CSMD1: variants seen among roughly 807,000 people sequenced by gnomAD.
CSMD1 encodes the protein CUB and Sushi multiple domains 1, also known as CUB and sushi domain-containing protein 1.
In CSMD1, 213 loss-of-function variants were observed where a neutral mutation model predicts 417.5. The ratio of observed to expected loss-of-function variants is 0.51; its 90% CI spans 0.46 to 0.57. CSMD1 has a LOEUF of 0.57. CSMD1 is among the 20% of genes least tolerant of loss of function. The pLI is 0.00. For missense variants in CSMD1, 6,923 were observed against 4,529.7 expected (o/e 1.53, Z -15.17); for synonymous variants, 2,862 against 1,736.8 (o/e 1.65, Z -16.11).
intron 1 of CSMD1, among the ~76,000 whole-genome samples, chr8:4,742,399 T>A (rs1810679701): frequency 6.6e-6 from 1 of 152,082 alleles, no homozygotes; most frequent in South Asian, 2.1e-4. Context: ...ACTGCTGTTT[T>A]AAAAATAAAT....
intron 51 of CSMD1, among the ~76,000 whole-genome samples, chr8:3,021,679 TCCGGAA>T (rs1241259323): frequency 8.3e-6 from 1 of 121,084 alleles, no homozygotes; most frequent in Admixed American, 8.8e-5. Flanking sequence ...TCCCACAGCG[TCCGGAA>T]TGCACCTGCA....
intron 5 of CSMD1, among the ~76,000 whole-genome samples, chr8:3,867,940 T>A (rs955395343): frequency 1.3e-5 from 2 of 152,032 alleles, no homozygotes; most frequent in Non-Finnish European, 2.9e-5. Context: ...TTACAGCCAA[T>A]CTTTGTATGT....
chr8:3,352,880 C>T (rs1266035988), intron 21 of CSMD1, among the ~76,000 whole-genome samples: 8 of 151,990 alleles, frequency 5.3e-5, no homozygotes, highest in African/African-American at 1.9e-4. Context: ...ACAAAAAACA[C>T]GAAAACACAT....
At chr8:4,646,097 G>C (rs997622426) in intron 1 of CSMD1, among the ~76,000 whole-genome samples, 1 of 152,186 alleles carries the variant, frequency 6.6e-6, no homozygotes, top group African/African-American at 2.4e-5. Context: ...CTTCGCTTCA[G>C]AGACTTCGAG....
intron 10 of CSMD1, among the ~76,000 whole-genome samples, chr8:3,497,939 C>A (rs903343568): frequency 6.6e-6 from 1 of 152,176 alleles, no homozygotes; most frequent in South Asian, 2.1e-4. Flanking sequence ...CACCCTTTCA[C>A]TTTCAGATGA....
chr8:3,038,743 T>G (rs1223778288), intron 50 of CSMD1, among the ~76,000 whole-genome samples: 1 of 152,160 alleles, frequency 6.6e-6, no homozygotes, highest in Admixed American at 6.5e-5. Context: ...ATTATAAAAT[T>G]TTTTCTTACA....
intron 2 of CSMD1, among the ~76,000 whole-genome samples, chr8:4,456,779 C>T (rs373706830): frequency 6.6e-6 from 1 of 152,032 alleles, no homozygotes; most frequent in African/African-American, 2.4e-5. Context: ...CATCTGACAA[C>T]CTACGAGGTA....
chr8:3,503,215 T>C (rs1041315002), intron 10 of CSMD1, among the ~76,000 whole-genome samples: 4 of 152,228 alleles, frequency 2.6e-5, no homozygotes, highest in African/African-American at 7.2e-5. Flanking sequence ...GAAAGGGAGT[T>C]AGAAAAATAT....
intron 3 of CSMD1, among the ~76,000 whole-genome samples, chr8:4,155,780 G>T (rs994768191): frequency 6.6e-6 from 1 of 152,048 alleles, no homozygotes; most frequent in Non-Finnish European, 1.5e-5. Flanking sequence ...CCAGTAATTT[G>T]TGTATTAAGA....
chr8:2,988,979 T>C (rs893116415), intron 54 of CSMD1, among the ~76,000 whole-genome samples: 1 of 152,204 alleles, frequency 6.6e-6, no homozygotes, highest in African/African-American at 2.4e-5. Context: ...TGCCATTAAC[T>C]AAGTGCTGCA....
At chr8:4,271,206 A>T (rs1804572084) in intron 3 of CSMD1, among the ~76,000 whole-genome samples, 1 of 152,248 alleles carries the variant, frequency 6.6e-6, no homozygotes, top group South Asian at 2.1e-4. Flanking sequence ...GTAAACATAT[A>T]TATACTTGCA....
intron 57 of CSMD1, among the ~76,000 whole-genome samples, chr8:2,969,308 G>A (rs1338034197): frequency 6.6e-6 from 1 of 152,024 alleles, no homozygotes; most frequent in Non-Finnish European, 1.5e-5. Context: ...AATTTCATCT[G>A]AAAGAGAATT....
At chr8:3,989,941 T>C (rs966339585) in intron 5 of CSMD1, among the ~76,000 whole-genome samples, 1 of 152,180 alleles carries the variant, frequency 6.6e-6, no homozygotes, top group Admixed American at 6.5e-5. Context: ...AAATTAGATA[T>C]TCATGGCTTC....
chr8:4,753,719 C>A (rs772635577), intron 1 of CSMD1, among the ~76,000 whole-genome samples: 5 of 152,184 alleles, frequency 3.3e-5, no homozygotes, highest in African/African-American at 1.2e-4. Context: ...GCTAATACCA[C>A]CTTCAAGGCA....
chr8:3,555,078 G>C (rs373951387), intron 10 of CSMD1, among the ~76,000 whole-genome samples: 1 of 152,022 alleles, frequency 6.6e-6, no homozygotes, highest in South Asian at 2.1e-4. Flanking sequence ...GAGAGCCCTC[G>C]GCAAGTGCAG....
At chr8:4,984,183 A>T (rs1811052991) in intron 1 of CSMD1, among the ~76,000 whole-genome samples, 1 of 152,226 alleles carries the variant, frequency 6.6e-6, no homozygotes, top group Non-Finnish European at 1.5e-5. Context: ...AGGTCATTAG[A>T]AAAACTCCAG....
At position 2,978,810 on chromosome 8, in the gene CSMD1, A is replaced by G. The variant is rs1805158441; in HGVS notation, c.8378-10T>C. The G allele has an allele frequency of 6.3e-7, 1 of 1,586,296 alleles. No homozygotes were observed. Among genetic ancestry groups the G allele is most frequent in the African/African-American group, 1.4e-5 (1 of 73,990 alleles). On this transcript the variant is annotated splice_polypyrimidine_tract_variant and intron_variant, in intron 54 of 69. Transcript: ENST00000635120. ...TCAGAACAGTTCACCACTAGAAAAT[A>G]AAACATTTCACACACCATTTAGAAA... is the stretch of plus-strand genomic sequence containing the variant.
intron 1 of CSMD1, among the ~76,000 whole-genome samples, chr8:4,796,798 T>C (rs2117261625): frequency 6.6e-6 from 1 of 152,300 alleles, no homozygotes; most frequent in Admixed American, 6.5e-5. Flanking sequence ...GGTGAGTAAA[T>C]TCCCCTTTGC....
intron 12 of CSMD1, among the ~76,000 whole-genome samples, chr8:3,446,144 A>G (rs184173486): frequency 3.2e-4 from 48 of 152,350 alleles, no homozygotes; most frequent in African/African-American, 9.6e-4. Flanking sequence ...ACTGCAAGAA[A>G]GGAAATTGCC....
Sources: allele counts gnomAD v4.1 joint callset (sites outside exome capture counted in the v4.1 genomes callset), GRCh38; gene constraint gnomAD v4.1.1; transcripts MANE v1.5; gene names NCBI Gene and HGNC (gene_info 2026-07-23, HGNC 2026-07-21).